The following FAM185A variants were observed in gnomAD, a reference collection of about 807,000 sequenced individuals.
FAM185A encodes family with sequence similarity 185 member A, also known as protein FAM185A.
FAM185A carries 21 observed loss-of-function variants against 45.7 expected under a neutral mutation model. The observed-to-expected ratio is 0.46, with a 90% CI of 0.33 to 0.66. The LOEUF is 0.66. Ranked by LOEUF, FAM185A falls within the 30% of genes least tolerant of loss-of-function variation. The pLI is 0.03. For missense variants in FAM185A, 305 were observed against 485.4 expected, an observed-to-expected ratio of 0.63 and a Z score of 3.49; for synonymous variants, 117 against 194.0, an observed-to-expected ratio of 0.60 and a Z score of 3.30.
Position 102,787,453 on chromosome 7 carries a change from T to C in FAM185A, c.1050T>C (p.Asp350=). Residue 350 remains aspartate (D), a synonymous_variant, in exon 7 of 8, where the codon GAT becomes GAC. Transcript: ENST00000413034. ...VQEMAEVRKD[D]VVTVTGLMNQ... Reference sequence around the variant, plus strand: ...AAATGGCTGAAGTTCGTAAAGATGATGTTGTAACAGTGACTGGTAAGGAGG... The same window carrying C: ...AAATGGCTGAAGTTCGTAAAGATGACGTTGTAACAGTGACTGGTAAGGAGG... 1.3e-6 allele frequency: 2 copies of C among 1,530,606 alleles called. No homozygotes were observed. The highest frequency in any genetic ancestry group is 1.2e-5 in the South Asian group (1 of 81,244). 94.8% of individuals were successfully genotyped at this position (1,530,606 alleles called of 1,614,324 possible).
Position 102,785,888 on chromosome 7 carries a change from C to G in FAM185A, c.932-1447C>G, listed in dbSNP as rs180703262. 8.1e-4 allele frequency among the ~76,000 whole-genome samples: 123 copies of G among 152,214 alleles called. 1 individual carries two copies. Among genetic ancestry groups the G allele is most frequent in the East Asian group, 7.3e-3 (38 of 5,184 alleles). Reference sequence around the variant, plus strand: ...CAAAAGAAACTACCATCAGAGTGAACAGGCAACCTACAGAATGGGAGAAAT... The same window carrying G: ...CAAAAGAAACTACCATCAGAGTGAAGAGGCAACCTACAGAATGGGAGAAAT... On this transcript the variant is annotated intron_variant, in intron 6 of 7. Coordinates refer to ENST00000413034, the MANE Select transcript of FAM185A (RefSeq NM_001145268.2).
At chr7:102,827,676 C>G in the FAM185A span, among the ~76,000 whole-genome samples, 4 of 152,200 alleles carry the variant, frequency 2.6e-5, no homozygotes, top group Admixed American at 6.5e-5. Context: ...TTCCTCCCCC[C>G]TCCCGCCACC....
chr7:102,836,035 G>T, the FAM185A span, among the ~76,000 whole-genome samples: 1 of 152,190 alleles, frequency 6.6e-6, no homozygotes, highest in African/African-American at 2.4e-5. Context: ...ATTGAAGGAT[G>T]AAACAAGCTT....
At position 102,804,838 on chromosome 7, in the gene FAM185A, A is replaced by G. The variant is rs544223500; in HGVS notation, c.1067-3452A>G. On this transcript the variant is annotated intron_variant, in intron 7 of 7. Coordinates refer to ENST00000413034, the MANE Select transcript of FAM185A (RefSeq NM_001145268.2). ...CAATGAACTCAAACAAATCAGTAAGAAAACAACAATCCCATCAAAAAGTGG... is the reference window on the plus strand; with the variant it reads ...CAATGAACTCAAACAAATCAGTAAGGAAACAACAATCCCATCAAAAAGTGG... Among the ~76,000 whole-genome samples the G allele has an allele frequency of 2.1e-4, 32 of 152,336 alleles. No individual in the cohort carries two copies. The South Asian group carries it at 3.9e-3, about 19-fold the overall frequency.
At chr7:102,775,271 T>A (rs1794991957) in intron 5 of FAM185A, among the ~76,000 whole-genome samples, 1 of 152,216 alleles carries the variant, frequency 6.6e-6, no homozygotes, top group African/African-American at 2.4e-5. Context: ...ATACATTAGA[T>A]CTACAGGACT....
chr7:102,813,764 G>C (rs1469399313), downstream of FAM185A, among the ~76,000 whole-genome samples: 1 of 152,152 alleles, frequency 6.6e-6, no homozygotes, highest in Non-Finnish European at 1.5e-5. Flanking sequence ...CAGTGAATGG[G>C]TAAGGAAACT....
the FAM185A span, among the ~76,000 whole-genome samples, chr7:102,832,166 A>G: frequency 6.6e-6 from 1 of 152,166 alleles, no homozygotes; most frequent in Non-Finnish European, 1.5e-5. Context: ...ATGTAGTCCA[A>G]ATTTTTCATA....
chr7:102,808,362 G>GA lies in FAM185A; in HGVS notation c.1141dup (p.Arg381LysfsTer17). On this transcript the variant is annotated frameshift_variant, in exon 8 of 8. Transcript: ENST00000413034. LOFTEE classifies it high-confidence loss of function. Reference sequence around the variant, plus strand: ...GCCCCAAAAGGCACTGTAAGTTTTAGAAGGCAAAGTTGGTTTCAGTCCCTG... The same window carrying GA: ...GCCCCAAAAGGCACTGTAAGTTTTAGAAAGGCAAAGTTGGTTTCAGTCCCTG... 1 of 1,551,670 alleles carries GA rather than the reference G, an allele frequency of 6.4e-7. No individual in the cohort carries two copies. The highest frequency in any genetic ancestry group is 8.7e-7 in the Non-Finnish European group (1 of 1,146,922).
At chr7:102,798,478 G>T (rs182733996) in intron 7 of FAM185A, among the ~76,000 whole-genome samples, 9 of 152,182 alleles carry the variant, frequency 5.9e-5, no homozygotes, top group African/African-American at 2.2e-4. Context: ...TCTTTTTCTT[G>T]AGAGCAGTAA....
chr7:102,826,947 G>A, the FAM185A span: 10 of 288,382 alleles, frequency 3.5e-5, no homozygotes, highest in East Asian at 2.3e-4. Flanking sequence ...GAGCTCTATC[G>A]TATTATTTTC....
At chr7:102,849,745 G>A in the FAM185A span, among the ~76,000 whole-genome samples, 2 of 152,238 alleles carry the variant, frequency 1.3e-5, no homozygotes, top group African/African-American at 4.8e-5. Context: ...AGGAGGCAAG[G>A]GGAAAGATTA....
At chr7:102,834,114 G>C in the FAM185A span, among the ~76,000 whole-genome samples, 2 of 113,746 alleles carry the variant, frequency 1.8e-5, no homozygotes, top group Admixed American at 7.9e-5. Context: ...AAGAAAGAAA[G>C]AAAGAAAGAA....
chr7:102,833,416 T>G, the FAM185A span, among the ~76,000 whole-genome samples: 1 of 151,702 alleles, frequency 6.6e-6, no homozygotes. Flanking sequence ...AGCAAGTTAC[T>G]ATCTTTCTGA....
intron 6 of FAM185A, among the ~76,000 whole-genome samples, chr7:102,783,692 A>T (rs2129440413): frequency 6.7e-6 from 1 of 149,320 alleles, no homozygotes; most frequent in South Asian, 2.1e-4. Context: ...CAGTGTGTAG[A>T]GGGAAATTTA....
chr7:102,826,183 G>C, the FAM185A span, among the ~76,000 whole-genome samples: 1 of 152,132 alleles, frequency 6.6e-6, no homozygotes, highest in African/African-American at 2.4e-5. Flanking sequence ...GAGAAGTCAG[G>C]TAATTTTACT....
At chr7:102,838,105 G>A in the FAM185A span, among the ~76,000 whole-genome samples, 1 of 152,208 alleles carries the variant, frequency 6.6e-6, no homozygotes, top group Non-Finnish European at 1.5e-5. Context: ...AACTGCCAGA[G>A]GCAGCATACA....
intron 4 of FAM185A, among the ~76,000 whole-genome samples, chr7:102,768,681 T>C (rs1220579885): frequency 6.6e-6 from 1 of 151,560 alleles, no homozygotes; most frequent in African/African-American, 2.4e-5. Flanking sequence ...CCAATGTTTA[T>C]CTTTAAATTG....
chr7:102,843,261 T>A, the FAM185A span, among the ~76,000 whole-genome samples: 1 of 152,010 alleles, frequency 6.6e-6, no homozygotes, highest in African/African-American at 2.4e-5. Flanking sequence ...CTGACCAACA[T>A]GCTGAAACCC....
chr7:102,810,167 T>A (rs970012075), downstream of FAM185A, among the ~76,000 whole-genome samples: 5 of 152,216 alleles, frequency 3.3e-5, no homozygotes, highest in Non-Finnish European at 4.4e-5. Flanking sequence ...GGTATTCCTT[T>A]ATAGCAAAAC....
Sources: gnomAD v4.1 joint callset for allele counts (sites outside exome capture counted in the v4.1 genomes callset) on GRCh38, gnomAD v4.1.1 for gene constraint, MANE v1.5 for transcripts, NCBI Gene and HGNC (gene_info 2026-07-23, HGNC 2026-07-21) for gene names.